The following SHC1 variants were observed in gnomAD, a reference collection of about 807,000 sequenced individuals.
The protein encoded by SHC1 is SHC adaptor protein 1.
In SHC1, 30 loss-of-function variants were observed where a neutral mutation model predicts 55.9. The observed-to-expected ratio is 0.54, with a 90% CI of 0.40 to 0.73. The LOEUF is 0.73. Among genes scored for constraint, SHC1 ranks in the 30% least tolerant of loss-of-function variants. The pLI is 0.00. For synonymous variants in SHC1, 309 were observed against 306.1 expected (o/e 1.01, Z -0.10); for missense variants, 675 against 777.1 (o/e 0.87, Z 1.56).
chr1:154,974,319 G>A (rs1465102667), upstream of SHC1: 1 of 279,268 alleles, frequency 3.6e-6, no homozygotes. Context: ...GCCAGCTTAG[G>A]TTACCGCTCC....
chr1:154,971,813 G>A (rs1431146417), upstream of SHC1, among the ~76,000 whole-genome samples: 1 of 152,120 alleles, frequency 6.6e-6, no homozygotes, highest in Non-Finnish European at 1.5e-5. Context: ...ACAGGAGAAA[G>A]GGGTGTCAGG....
In SHC1 at chr1:154,970,536, G is replaced by T; in HGVS notation, c.-10C>A. The T allele has an allele frequency of 1.3e-6, 2 of 1,589,930 alleles. No homozygotes were observed. Among genetic ancestry groups the T allele is most frequent in the Non-Finnish European group, 1.7e-6 (2 of 1,170,334 alleles). ...GGGGCAGGAGATCCATAGTTGAGGT[G>T]AAAGAGGGGCTGCTGCCCAGCCTGG... On this transcript the variant is annotated 5_prime_UTR_variant, in exon 1 of 12. Coordinates refer to ENST00000448116, the MANE Select transcript of SHC1 (RefSeq NM_001130040.2). The surrounding 1 kb of genome is among the most constrained non-coding windows in gnomAD (Gnocchi z 5.5).
Position 154,967,979 on chromosome 1 carries a change from C to G in SHC1, c.856+1G>C. 6.2e-7 allele frequency: 1 copy of G among 1,614,192 alleles called. No individual in the cohort carries two copies. On this transcript the variant is annotated splice_donor_variant, in intron 6 of 11. Coordinates refer to ENST00000448116, the MANE Select transcript of SHC1 (RefSeq NM_001130040.2). LOFTEE classifies it high-confidence loss of function. ...ACCCAGTGCTCCCCACCATGCCTCACCTCTCTGATTCACAGGGTCTTTGGC... is the reference window on the plus strand; with the variant it reads ...ACCCAGTGCTCCCCACCATGCCTCAGCTCTCTGATTCACAGGGTCTTTGGC...
chr1:154,964,353 T>C (rs1322556620), intron 11 of SHC1: 5 of 448,782 alleles, frequency 1.1e-5, no homozygotes. Context: ...TTGGGCAACA[T>C]GGCGAAACCC....
At position 154,965,624 on chromosome 1, in the gene SHC1, C is replaced by T. The variant is rs767814875; in HGVS notation, c.1545G>A (p.Thr515=). The change falls in exon 11 of 12, where the codon ACG becomes ACA. Residue 515 remains threonine, a synonymous_variant. Coordinates refer to ENST00000448116, the MANE Select transcript of SHC1 (RefSeq NM_001130040.2). ...LNGDFLVRES[T]TTPGQYVLTG... is the part of the protein sequence containing the mutation. ...TGAGCACATACTGGCCAGGTGTGGT[C>T]GTGCTCTCCCGTACCAGGAAGTCCC... 6 of 1,614,010 alleles carry T rather than the reference C, an allele frequency of 3.7e-6. No individual in the cohort carries two copies. Among genetic ancestry groups the T allele is most frequent in the African/African-American group, 1.3e-5 (1 of 74,906 alleles).
intron 11 of SHC1, among the ~76,000 whole-genome samples, chr1:154,964,538 C>T (rs1195186857): frequency 2.6e-5 from 4 of 152,182 alleles, no homozygotes; most frequent in Admixed American, 6.5e-5. Flanking sequence ...GGCTAGAGTA[C>T]AGTGGCGCAA....
chr1:154,969,516 T>C, intron 1 of SHC1, 68 bp from the exon 2 acceptor site: 1 of 1,046,492 alleles, frequency 9.6e-7, no homozygotes, highest in East Asian at 2.5e-5. Flanking sequence ...CAAAGGGCCC[T>C]AGGACTTTAC....
At chr1:154,965,451 C>T (rs962088349) in intron 11 of SHC1, 92 bp downstream of exon 11, 6 of 1,613,126 alleles carry the variant, frequency 3.7e-6, no homozygotes, top group Non-Finnish European at 4.2e-6. Flanking sequence ...GCGGGAATGT[C>T]TACAAAGCAA....
At chr1:154,969,323 T>C in intron 2 of SHC1, 55 bp downstream of exon 2, 2 of 1,261,676 alleles carry the variant, frequency 1.6e-6, no homozygotes, top group Non-Finnish European at 2.3e-6. Context: ...CCTCCTCTGT[T>C]TCCCATGGCC....
rs113999846 is a variant in SHC1, at chr1:154,964,212, C to T, written c.1627-281G>A. 3.6e-4 allele frequency: 192 copies of T among 535,964 alleles called. 1 individual carries two copies. Among genetic ancestry groups the T allele is most frequent in the African/African-American group, 3.4e-3 (178 of 52,558 alleles). 33.2% of individuals were successfully genotyped at this position (535,964 alleles called of 1,614,324 possible). A position where few individuals can be genotyped will look rare whatever the true frequency, so the allele number is the denominator to read the frequency against. ...CCTTTCTTGACCTGGAGGAAGTTGG[C>T]ATGTCTCAGAAGAGTATACACAGTG... On this transcript the variant is annotated intron_variant, in intron 11 of 11. Transcript: ENST00000448116.
Position 154,966,040 on chromosome 1 carries a change from G to A in SHC1, c.1293C>T (p.Val431=), listed in dbSNP as rs765982056. The A allele has an allele frequency of 2.2e-5, 36 of 1,613,976 alleles. No homozygotes were observed. The highest frequency in any genetic ancestry group is 4.0e-5 in the African/African-American group (3 of 74,872). Residue 431 remains valine, a synonymous_variant, in exon 10 of 12, where the codon GTC becomes GTT. Coordinates refer to ENST00000448116, the MANE Select transcript of SHC1 (RefSeq NM_001130040.2). ...ELFDDPSYVN[V]QNLDKARQAV... is the part of the protein sequence containing the mutation. ...CTTGCCGGGCCTTGTCTAGGTTCTG[G>A]ACGTTGACATAGGAGGGATCATCAA...
intron 6 of SHC1, 58 bp from the exon 7 acceptor site, chr1:154,967,855 G>T: frequency 6.2e-7 from 1 of 1,607,830 alleles, no homozygotes; most frequent in Non-Finnish European, 8.5e-7. Flanking sequence ...GGCACAGACA[G>T]GGGCCCTCAT....
In SHC1 at chr1:154,966,010, C is replaced by T. The variant is rs1198271602; in HGVS notation, c.1323G>A (p.Val441=). The change falls in exon 10 of 12, where the codon GTG becomes GTA. Residue 441 remains valine (V), a synonymous_variant. Coordinates refer to ENST00000448116, the MANE Select transcript of SHC1 (RefSeq NM_001130040.2). Reference sequence around the variant, plus strand: ...CAGGATTGGGGGGCCCAGCACCACCCACTGCTTGCCGGGCCTTGTCTAGGT... The same window carrying T: ...CAGGATTGGGGGGCCCAGCACCACCTACTGCTTGCCGGGCCTTGTCTAGGT... ...VQNLDKARQA[V]GGAGPPNPAI... 4 of 1,614,074 alleles carry T rather than the reference C, an allele frequency of 2.5e-6. No homozygotes were observed. The highest frequency in any genetic ancestry group is 3.4e-6 in the Non-Finnish European group (4 of 1,179,994).
intron 1 of SHC1, 106 bp downstream of exon 1, chr1:154,969,926 G>A (rs1379365116): frequency 8.1e-6 from 10 of 1,228,162 alleles, no homozygotes; most frequent in East Asian, 7.0e-5. Flanking sequence ...ACACTGAAAC[G>A]GGGTTGTTGG....
In SHC1 at chr1:154,967,735, C is replaced by A; in HGVS notation, c.919G>T (p.Ala307Ser). The A allele has an allele frequency of 6.2e-7, 1 of 1,614,084 alleles. No individual in the cohort carries two copies. Among genetic ancestry groups the A allele is most frequent in the East Asian group, 2.2e-5 (1 of 44,880 alleles). Reference protein sequence around the residue: ...AQDVISTIGQAFELRFKQYLR... With the variant: ...AQDVISTIGQSFELRFKQYLR... ...TATTGTTTGAAGCGCAACTCGAAGG[C>A]CTGGCCAATGGTGCTGATGACATCC... The change falls in exon 7 of 12, where the codon GCC (alanine) becomes TCC (serine). Residue 307 changes from alanine (A) to serine (S), a missense_variant. This residue lies in a region of SHC1 where 360 missense variants were observed against 371.1 expected (regional missense o/e 0.97). Coordinates refer to ENST00000448116, the MANE Select transcript of SHC1 (RefSeq NM_001130040.2).
At chr1:154,968,400 C>A in intron 4 of SHC1, 95 bp downstream of exon 4, 1 of 1,569,262 alleles carries the variant, frequency 6.4e-7, no homozygotes. Flanking sequence ...TGGTCTCCTG[C>A]TCTCAAGCCC....
In SHC1 at chr1:154,966,378, CT is replaced by C; in HGVS notation, c.1122del (p.Ala376LeufsTer21). ...VDMRLREGAAPGAARPTAPNA... is the reference protein window; with the variant it reads ...VDMRLREGAAXGAARPTAPNA... Reference sequence around the variant, plus strand: ...TTGGGTGCAGTGGGTCGAGCAGCCCCTGGAGCGGCTCCTTCCCGAAGCCTCA... The same window carrying C: ...TTGGGTGCAGTGGGTCGAGCAGCCCCGGAGCGGCTCCTTCCCGAAGCCTCA... On this transcript the variant is annotated frameshift_variant, in exon 8 of 12. Transcript: ENST00000448116. LOFTEE classifies it high-confidence loss of function. 2 of 1,614,164 alleles carry C rather than the reference CT, an allele frequency of 1.2e-6. No homozygotes were observed. Among genetic ancestry groups the C allele is most frequent in the Non-Finnish European group, 1.7e-6 (2 of 1,179,990 alleles).
chr1:154,966,685 G>A (rs1233675032), intron 7 of SHC1, among the ~76,000 whole-genome samples, 168 bp from the exon 8 acceptor site: 1 of 152,200 alleles, frequency 6.6e-6, no homozygotes, highest in Non-Finnish European at 1.5e-5. Context: ...CCGTAAGGTA[G>A]GTATTGTTTC....
chr1:154,971,237 C>T (rs181659321), upstream of SHC1, among the ~76,000 whole-genome samples: 4 of 152,168 alleles, frequency 2.6e-5, no homozygotes, highest in Admixed American at 1.3e-4. Flanking sequence ...CACCCCCAAC[C>T]GCTACCCCAT....
Sources: gnomAD v4.1 joint callset for allele counts (sites outside exome capture counted in the v4.1 genomes callset) on GRCh38, gnomAD v4.1.1 for gene constraint, gnomAD v4.1.1 regional missense constraint, Gnocchi (gnomAD v3.1) non-coding constraint, MANE v1.5 for transcripts, NCBI Gene and HGNC (gene_info 2026-07-23, HGNC 2026-07-21) for gene names.